The following MIPOL1 variants were observed in gnomAD, a reference collection of about 807,000 sequenced individuals.
MIPOL1 encodes mirror-image polydactyly gene 1 protein.
In MIPOL1, 57 loss-of-function variants were observed where a neutral mutation model predicts 60.9. That is an observed-to-expected ratio of 0.94 (90% confidence interval 0.76 to 1.17). The LOEUF (loss-of-function observed/expected upper bound fraction) is 1.17, where lower values mean the gene tolerates loss of function less well. Ranked by LOEUF, MIPOL1 falls within the 50% of genes most tolerant of loss-of-function variation. MIPOL1 has a pLI of 0.00. For missense variants in MIPOL1, 551 were observed against 511.6 expected, an observed-to-expected ratio of 1.08 and a Z score of -0.74; for synonymous variants, 179 against 168.8, an observed-to-expected ratio of 1.06 and a Z score of -0.47.
At chr14:37,369,998 GACTTGTAATATTCACAGA>G (rs947418785) in intron 10 of MIPOL1, 1 of 152,666 alleles carries the variant, frequency 6.6e-6, no homozygotes, top group Non-Finnish European at 1.5e-5. Flanking sequence ...TTTTTAAAAG[GACTTGTAATATTCACAGA>G]ACTGACAGTC....
chr14:37,280,687 C>T (rs1476861533), intron 6 of MIPOL1, among the ~76,000 whole-genome samples: 19 of 152,108 alleles, frequency 1.2e-4, no homozygotes, highest in Admixed American at 1.2e-3. Context: ...GAGACTGAGC[C>T]TCACTCTGTC....
At chr14:37,374,545 T>C (rs1238421261) in intron 10 of MIPOL1, among the ~76,000 whole-genome samples, 1 of 152,206 alleles carries the variant, frequency 6.6e-6, no homozygotes, top group Non-Finnish European at 1.5e-5. Context: ...TTAATCCATC[T>C]TGAGTTAATT....
chr14:37,356,206 A>T (rs1326228676), intron 9 of MIPOL1, among the ~76,000 whole-genome samples: 1 of 149,828 alleles, frequency 6.7e-6, no homozygotes, highest in East Asian at 2.0e-4. Context: ...TGTGCCTCCC[A>T]GTTAGGCTTC....
At chr14:37,219,299 G>A (rs760938847) in intron 1 of MIPOL1, among the ~76,000 whole-genome samples, 3 of 152,186 alleles carry the variant, frequency 2.0e-5, no homozygotes, top group African/African-American at 4.8e-5. Context: ...AAAGGTTGAG[G>A]GCTAGTATAG....
intron 10 of MIPOL1, among the ~76,000 whole-genome samples, chr14:37,408,400 C>T (rs752414701): frequency 6.6e-6 from 1 of 152,062 alleles, no homozygotes; most frequent in Non-Finnish European, 1.5e-5. Context: ...GAGGTCAAGG[C>T]AGGCAGGTCA....
intron 3 of MIPOL1, among the ~76,000 whole-genome samples, chr14:37,256,359 A>C (rs1974920080): frequency 6.6e-6 from 1 of 151,926 alleles, no homozygotes; most frequent in Non-Finnish European, 1.5e-5. Context: ...GCCTGTGTAC[A>C]AATCCTAAGA....
chr14:37,372,771 AT>A (rs1427918181), intron 10 of MIPOL1, among the ~76,000 whole-genome samples: 8 of 151,172 alleles, frequency 5.3e-5, no homozygotes, highest in African/African-American at 1.9e-4. Context: ...AAAAAAAAAA[AT>A]TGCTAGGCAT....
intron 11 of MIPOL1, among the ~76,000 whole-genome samples, chr14:37,486,486 T>C (rs1008924263): frequency 6.6e-6 from 1 of 152,196 alleles, no homozygotes; most frequent in African/African-American, 2.4e-5. Flanking sequence ...TTCCATTTAT[T>C]TGTGTCCTCT....
chr14:37,391,107 T>A (rs1345561928), intron 10 of MIPOL1, among the ~76,000 whole-genome samples: 2 of 151,990 alleles, frequency 1.3e-5, no homozygotes, highest in African/African-American at 4.8e-5. Context: ...CAAAAGAGAT[T>A]AGAATAACAT....
At chr14:37,326,001 C>T (rs2089121321) in intron 9 of MIPOL1, among the ~76,000 whole-genome samples, 1 of 152,162 alleles carries the variant, frequency 6.6e-6, no homozygotes, top group Admixed American at 6.5e-5. Context: ...TCTTAATTTG[C>T]AGAGATAGGA....
chr14:37,208,666 T>C (rs1275300484), intron 1 of MIPOL1, among the ~76,000 whole-genome samples: 2 of 152,198 alleles, frequency 1.3e-5, no homozygotes, highest in African/African-American at 2.4e-5. Context: ...CAGTCTTGGC[T>C]CACTGCAACC....
At chr14:37,302,259 G>GTTT (rs1244984056) in intron 7 of MIPOL1, among the ~76,000 whole-genome samples, 8 of 58,586 alleles carry the variant, frequency 1.4e-4, no homozygotes, top group Admixed American at 3.0e-4. Flanking sequence ...ATTTGGAACT[G>GTTT]TTGTTTTTTT....
intron 6 of MIPOL1, chr14:37,276,284 G>C (rs565429129): frequency 6.6e-6 from 1 of 150,802 alleles, no homozygotes; most frequent in South Asian, 2.1e-4. Flanking sequence ...AAAATATGTT[G>C]TCAATATATT....
chr14:37,396,420 G>T (rs1207454084), intron 10 of MIPOL1, among the ~76,000 whole-genome samples: 2 of 151,862 alleles, frequency 1.3e-5, no homozygotes, highest in African/African-American at 4.8e-5. Context: ...TTTCTTTCAT[G>T]TTAACTTTAG....
intron 9 of MIPOL1, among the ~76,000 whole-genome samples, chr14:37,363,583 T>C (rs1215635332): frequency 1.3e-5 from 2 of 152,164 alleles, no homozygotes; most frequent in Admixed American, 6.6e-5. Context: ...GGCTACATGA[T>C]TGTCAGGGAC....
chr14:37,487,611 T>C (rs2094970996), intron 11 of MIPOL1, among the ~76,000 whole-genome samples: 3 of 152,234 alleles, frequency 2.0e-5, no homozygotes, highest in Non-Finnish European at 4.4e-5. Context: ...CTAGATTTTC[T>C]AGTTTATTTG....
intron 7 of MIPOL1, among the ~76,000 whole-genome samples, chr14:37,290,274 G>A (rs76915664): frequency 2.0e-5 from 3 of 152,254 alleles, no homozygotes; most frequent in African/African-American, 7.2e-5. Context: ...CGCCCAAGCT[G>A]GAGAACAGTG....
chr14:37,460,924 T>C (rs1409171487), intron 11 of MIPOL1, among the ~76,000 whole-genome samples: 1 of 152,168 alleles, frequency 6.6e-6, no homozygotes, highest in Admixed American at 6.6e-5. Context: ...AATGATCATA[T>C]TCCCCAAAGG....
intron 1 of MIPOL1, among the ~76,000 whole-genome samples, chr14:37,200,840 A>G (rs988962252): frequency 1.4e-5 from 2 of 138,972 alleles, no homozygotes; most frequent in East Asian, 2.1e-4. Context: ...CCATAATACT[A>G]TATCTATCTA....
Sources: gnomAD v4.1 joint callset for allele counts (sites outside exome capture counted in the v4.1 genomes callset) on GRCh38, gnomAD v4.1.1 for gene constraint, MANE v1.5 for transcripts, NCBI Gene and HGNC (gene_info 2026-07-23, HGNC 2026-07-21) for gene names.